The following THRAP3 variants were observed in gnomAD, a reference collection of about 807,000 sequenced individuals.
The protein encoded by THRAP3 is thyroid hormone receptor associated protein 3.
In THRAP3, 16 loss-of-function variants were observed where a neutral mutation model predicts 101.0. That is an observed-to-expected ratio of 0.16 (90% CI 0.11 to 0.24). The LOEUF (loss-of-function observed/expected upper bound fraction) is 0.24. Among genes scored for constraint, THRAP3 ranks in the 10% least tolerant of loss-of-function variants. The probability of loss-of-function intolerance (pLI) is 1.00; values close to 1 mark genes in which losing one functional copy is unlikely to be tolerated. For synonymous variants in THRAP3, 407 were observed against 422.6 expected, an observed-to-expected ratio of 0.96 and a Z score of 0.45; for missense variants, 989 against 1,202.7, an observed-to-expected ratio of 0.82 and a Z score of 2.63.
At chr1:36,276,666 G>C (rs1645664768) in intron 2 of THRAP3, among the ~76,000 whole-genome samples, 1 of 151,994 alleles carries the variant, frequency 6.6e-6, no homozygotes, top group South Asian at 2.1e-4. Flanking sequence ...AGACCAGCCT[G>C]ATCAACATGG....
At position 36,252,321 on chromosome 1, in the gene THRAP3, C is replaced by A. The variant is rs375100332; in HGVS notation, c.-134-7061C>A. Among the ~76,000 whole-genome samples, 111 of 152,222 alleles carry A rather than the reference C, an allele frequency of 7.3e-4. 2 individuals are homozygous for A. In the East Asian group the frequency reaches 0.013, roughly 18 times the overall value. On this transcript the variant is annotated intron_variant, in intron 1 of 11. Coordinates refer to ENST00000354618, the MANE Select transcript of THRAP3 (RefSeq NM_005119.4). The stretch of plus-strand genomic sequence containing the variant: ...TGTGCTTTTAGTAGAGACGGGGTTT[C>A]ACCATGTTGGTCAGGCTGGCCTGGA...
At chr1:36,237,725 C>G (rs946438857) in intron 1 of THRAP3, among the ~76,000 whole-genome samples, 3 of 152,134 alleles carry the variant, frequency 2.0e-5, no homozygotes, top group Middle Eastern at 6.8e-3. Flanking sequence ...GACCCAAGAT[C>G]ATGCCACTGC....
At chr1:36,241,952 A>G (rs1027778148) in intron 1 of THRAP3, 4 of 165,998 alleles carry the variant, frequency 2.4e-5, no homozygotes, top group Middle Eastern at 3.0e-3. Context: ...TTTGGATGTC[A>G]TTAGATGTCT....
upstream of THRAP3, among the ~76,000 whole-genome samples, chr1:36,220,283 G>A (rs115371630): frequency 0.083 from 12,634 of 152,236 alleles, 739 homozygotes; most frequent in Middle Eastern, 0.23. Context: ...GTGAGCCACT[G>A]TGCCCAGCCC....
intron 11 of THRAP3, among the ~76,000 whole-genome samples, chr1:36,302,948 G>T (rs1343577703): frequency 6.6e-6 from 1 of 152,086 alleles, no homozygotes; most frequent in Admixed American, 6.6e-5. Context: ...GTGTGGAGGT[G>T]GAGGATCAGG....
chr1:36,292,590 C>A lies in THRAP3; in HGVS notation c.1919-8C>A, dbSNP rs949627782. 6.2e-7 allele frequency: 1 copy of A among 1,607,944 alleles called. No homozygotes were observed. The highest frequency in any genetic ancestry group is 8.5e-7 in the Non-Finnish European group (1 of 1,176,446). On this transcript the variant is annotated splice_region_variant and splice_polypyrimidine_tract_variant and intron_variant, in intron 6 of 11. Coordinates refer to ENST00000354618, the MANE Select transcript of THRAP3 (RefSeq NM_005119.4). ...TGGCCCATAATGTGTTTCTTTTAAT[C>A]CCAACAGAGCATCACTTTGGGTCCT... is the stretch of plus-strand genomic sequence containing the variant.
In THRAP3 at chr1:36,301,609, C is replaced by A; in HGVS notation, c.2559C>A (p.Asn853Lys). Residue 853 changes from asparagine (N) to lysine (K), a missense_variant, in exon 11 of 12, where the codon AAC becomes AAA. Asn to Lys is a moderately conservative substitution (Grantham distance 94, BLOSUM62 0). Transcript: ENST00000354618. The stretch of plus-strand genomic sequence containing the variant: ...GAGGCAACTACTCTGGGAACAATAA[C>A]AACAACAGCAACAACGATTTTCAAA... The part of the protein sequence containing the change: ...WGRGNYSGNN[N>K]NNSNNDFQKR... 1 of 1,614,100 alleles carries A rather than the reference C, an allele frequency of 6.2e-7. No homozygotes were observed. The highest frequency in any genetic ancestry group is 8.5e-7 in the Non-Finnish European group (1 of 1,180,022).
In THRAP3 at chr1:36,287,373, A is replaced by G. The variant is rs1645810252; in HGVS notation, c.1040+103A>G. ...AGAGCTCTGATTAATGGTAAAAGGT[A>G]ATCCCTATTTCCTAGACTTTTCGTT... On this transcript the variant is annotated intron_variant, in intron 4 of 11. Transcript: ENST00000354618. The G allele has an allele frequency of 2.8e-6, 4 of 1,413,468 alleles. No homozygotes were observed. In the South Asian group the frequency reaches 4.6e-5, roughly 16 times the overall value. The allele number at this position is 1,413,468 out of a possible 1,614,324, so 87.6% of individuals were successfully genotyped here. A position where few individuals can be genotyped will look rare whatever the true frequency, so the allele number is the denominator to read the frequency against.
intron 1 of THRAP3, among the ~76,000 whole-genome samples, chr1:36,245,701 C>T (rs1645222225): frequency 6.6e-6 from 1 of 152,124 alleles, no homozygotes. Flanking sequence ...TTTTACTTGG[C>T]ATTTGAGGCT....
In THRAP3 at chr1:36,293,838, T is replaced by A. The variant is rs760540717; in HGVS notation, c.2031-13T>A. ...CAATGGAATACTATATCGTTTTGTA[T>A]TTTCAATTTTAGGAGAATAGACATT... On this transcript the variant is annotated splice_polypyrimidine_tract_variant and intron_variant, in intron 7 of 11. Transcript: ENST00000354618. The A allele has an allele frequency of 6.2e-7, 1 of 1,608,616 alleles. No individual in the cohort carries two copies. The highest frequency in any genetic ancestry group is 8.5e-7 in the Non-Finnish European group (1 of 1,175,390).
intron 3 of THRAP3, 103 bp downstream of exon 3, chr1:36,282,803 G>C: frequency 1.5e-6 from 2 of 1,373,714 alleles, no homozygotes; most frequent in Non-Finnish European, 2.0e-6. Flanking sequence ...CAAATGGACT[G>C]GGGGGTTGGC....
rs965302998 is a variant in THRAP3 at position 36,288,960 on chromosome 1, G to GT, written c.1041-93dup. 35 of 1,388,666 alleles carry GT rather than the reference G, an allele frequency of 2.5e-5. No individual in the cohort carries two copies. In the African/African-American group the frequency reaches 3.2e-4, roughly 13 times the overall value. The allele number at this position is 1,388,666 out of a possible 1,614,324, so 86.0% of individuals were successfully genotyped here. Reference sequence around the variant, plus strand: ...GGTAATACAGGAATCCATAAGACATGTTTTTTTCAGAGAATCAAAAACCAA... The same window carrying GT: ...GGTAATACAGGAATCCATAAGACATGTTTTTTTTCAGAGAATCAAAAACCAA... On this transcript the variant is annotated intron_variant, in intron 4 of 11. Transcript: ENST00000354618.
chr1:36,303,421 G>C (rs759298470), intron 11 of THRAP3, among the ~76,000 whole-genome samples: 1 of 152,144 alleles, frequency 6.6e-6, no homozygotes, highest in Non-Finnish European at 1.5e-5. Flanking sequence ...TGCAGAGTGG[G>C]AGGTGATAAT....
At chr1:36,278,853 G>A (rs956302572) in intron 2 of THRAP3, among the ~76,000 whole-genome samples, 1 of 151,890 alleles carries the variant, frequency 6.6e-6, no homozygotes, top group Admixed American at 6.6e-5. Context: ...AACCCAGGTG[G>A]CAGAGGTTGC....
In THRAP3 at chr1:36,292,632, T is replaced by C. The variant is rs1645891042; in HGVS notation, c.1953T>C (p.His651=). 3.7e-6 allele frequency: 6 copies of C among 1,613,664 alleles called. No homozygotes were observed. The highest frequency in any genetic ancestry group is 5.1e-6 in the Non-Finnish European group (6 of 1,179,850). ...TTGGGTCCTCAGGAATGACATTACA[T>C]GAACGCTTTACTAAATACCTAAAGA... ...HHFGSSGMTL[H]ERFTKYLKRG... is the part of the protein sequence containing the mutation. Residue 651 remains histidine, a synonymous_variant, in exon 7 of 12, where the codon CAT becomes CAC. Transcript: ENST00000354618.
At chr1:36,268,950 T>A (rs372011303) in intron 2 of THRAP3, among the ~76,000 whole-genome samples, 1 of 152,298 alleles carries the variant, frequency 6.6e-6, no homozygotes, top group African/African-American at 2.4e-5. Flanking sequence ...GGCCTCAAAC[T>A]CCTGGCCTCA....
At chr1:36,278,707 A>G (rs1476438892) in intron 2 of THRAP3, among the ~76,000 whole-genome samples, 3 of 152,088 alleles carry the variant, frequency 2.0e-5, no homozygotes, top group African/African-American at 7.2e-5. Context: ...GCGGATCACG[A>G]AGTCAGGAGA....
upstream of THRAP3, among the ~76,000 whole-genome samples, chr1:36,220,033 C>CA (rs1215210220): frequency 1.3e-5 from 2 of 152,150 alleles, no homozygotes; most frequent in East Asian, 3.9e-4. Flanking sequence ...CCCACTCTGT[C>CA]ACCCAGGCTG....
intron 2 of THRAP3, among the ~76,000 whole-genome samples, chr1:36,266,712 C>T (rs1018588425): frequency 6.6e-6 from 1 of 152,054 alleles, no homozygotes; most frequent in African/African-American, 2.4e-5. Flanking sequence ...GTTGGTACTA[C>T]CTGAATTTGC....
Sources: allele counts gnomAD v4.1 joint callset (sites outside exome capture counted in the v4.1 genomes callset), GRCh38; gene constraint gnomAD v4.1.1; transcripts MANE v1.5; gene names NCBI Gene and HGNC (gene_info 2026-07-23, HGNC 2026-07-21).